The following ENOX1 variants were observed in gnomAD, a reference collection of about 807,000 sequenced individuals.
ENOX1 encodes candidate growth-related and time keeping constitutive hydroquinone (NADH) oxidase.
Under a neutral mutation model 82.5 loss-of-function variants are expected in ENOX1, and 42 were observed. The observed-to-expected ratio is 0.51, with a 90% CI of 0.40 to 0.66. ENOX1 has a LOEUF of 0.66. Ranked by LOEUF, ENOX1 falls within the 30% of genes least tolerant of loss-of-function variation. ENOX1 has a pLI of 0.00. For missense variants in ENOX1, 608 were observed against 811.6 expected (o/e 0.75, Z 3.05); for synonymous variants, 271 against 282.2 (o/e 0.96, Z 0.40).
chr13:43,220,108 G>A (rs937876183), intron 16 of ENOX1, among the ~76,000 whole-genome samples: 2 of 151,984 alleles, frequency 1.3e-5, no homozygotes, highest in Admixed American at 6.6e-5. Context: ...AAGGAAAAGA[G>A]GAAAGAAGAC....
intron 2 of ENOX1, among the ~76,000 whole-genome samples, chr13:43,491,306 A>T (rs898148372): frequency 6.6e-6 from 1 of 152,144 alleles, no homozygotes; most frequent in Non-Finnish European, 1.5e-5. Flanking sequence ...ACCTCCTACC[A>T]GGCCCCACCT....
chr13:43,546,052 T>C (rs934135348), intron 2 of ENOX1: 2 of 152,248 alleles, frequency 1.3e-5, no homozygotes, highest in African/African-American at 4.8e-5. Context: ...CGTTCAGTGT[T>C]AATTGAATCT....
At chr13:43,322,720 T>C (rs1164461474) in intron 10 of ENOX1, among the ~76,000 whole-genome samples, 3 of 152,234 alleles carry the variant, frequency 2.0e-5, no homozygotes, top group Non-Finnish European at 4.4e-5. Context: ...TGACTAGGGC[T>C]CTTTAGCAAA....
At chr13:43,411,490 C>T (rs1226288434) in intron 5 of ENOX1, among the ~76,000 whole-genome samples, 3 of 152,112 alleles carry the variant, frequency 2.0e-5, no homozygotes, top group South Asian at 2.1e-4. Context: ...GAAAAGTCAC[C>T]GAAACTCTGC....
At chr13:43,616,102 AGATAGATAT>A (rs2082406315) in intron 2 of ENOX1, among the ~76,000 whole-genome samples, 1 of 11,512 alleles carries the variant, frequency 8.7e-5, no homozygotes, top group Non-Finnish European at 3.1e-4. Context: ...ATATCTATAT[AGATAGATAT>A]CTATAGATCT....
chr13:43,680,806 C>A (rs1052385882), intron 1 of ENOX1, among the ~76,000 whole-genome samples: 4 of 152,078 alleles, frequency 2.6e-5, no homozygotes, highest in Admixed American at 2.6e-4. Context: ...AAAACTGAAG[C>A]TATAACAGAT....
chr13:43,256,479 G>T (rs1202109730), intron 14 of ENOX1, among the ~76,000 whole-genome samples: 1 of 151,930 alleles, frequency 6.6e-6, no homozygotes, highest in Non-Finnish European at 1.5e-5. Context: ...CAAATAATCT[G>T]ATTAAAAATA....
At chr13:43,302,595 T>C (rs1164369283) in intron 11 of ENOX1, among the ~76,000 whole-genome samples, 1 of 152,170 alleles carries the variant, frequency 6.6e-6, no homozygotes, top group African/African-American at 2.4e-5. Flanking sequence ...CACTAATGTA[T>C]GAAAATCAAT....
intron 10 of ENOX1, among the ~76,000 whole-genome samples, chr13:43,324,434 C>T (rs1055079979): frequency 4.6e-5 from 7 of 152,232 alleles, no homozygotes; most frequent in Middle Eastern, 3.4e-3. Context: ...TCTAATAAAT[C>T]TGTAGAGGTG....
intron 1 of ENOX1, among the ~76,000 whole-genome samples, chr13:43,738,022 C>A (rs2089717675): frequency 6.6e-6 from 1 of 151,938 alleles, no homozygotes; most frequent in Non-Finnish European, 1.5e-5. Context: ...TAATTTAGAC[C>A]CAAATCACCA....
At chr13:43,355,488 T>C (rs1381225180) in intron 8 of ENOX1, among the ~76,000 whole-genome samples, 4 of 152,178 alleles carry the variant, frequency 2.6e-5, no homozygotes, top group East Asian at 3.9e-4. Flanking sequence ...CTGGTAAACA[T>C]GCACACTCTA....
At chr13:43,316,780 A>G (rs952904206) in intron 11 of ENOX1, among the ~76,000 whole-genome samples, 4 of 152,158 alleles carry the variant, frequency 2.6e-5, no homozygotes, top group Non-Finnish European at 5.9e-5. Flanking sequence ...AAAAGAAAAA[A>G]AAAAAAAGGA....
At chr13:43,467,138 T>C (rs1417801512) in intron 3 of ENOX1, among the ~76,000 whole-genome samples, 2 of 152,200 alleles carry the variant, frequency 1.3e-5, no homozygotes, top group Non-Finnish European at 1.5e-5. Flanking sequence ...CTTAGGTCTA[T>C]ACCTAGGAGC....
At chr13:43,399,546 C>T (rs1243462305) in intron 5 of ENOX1, among the ~76,000 whole-genome samples, 2 of 152,240 alleles carry the variant, frequency 1.3e-5, no homozygotes, top group Non-Finnish European at 2.9e-5. Flanking sequence ...AAACTGCTCT[C>T]CAATGAGGGT....
At chr13:43,734,441 A>G (rs1032473689) in intron 1 of ENOX1, among the ~76,000 whole-genome samples, 6 of 152,190 alleles carry the variant, frequency 3.9e-5, no homozygotes, top group African/African-American at 1.4e-4. Context: ...ATCTGTAACC[A>G]AAACAGAAAC....
At chr13:43,511,518 G>A (rs1221698466) in intron 2 of ENOX1, among the ~76,000 whole-genome samples, 1 of 152,042 alleles carries the variant, frequency 6.6e-6, no homozygotes, top group Non-Finnish European at 1.5e-5. Flanking sequence ...ACTTTTAAAA[G>A]GCAAACGCCA....
Position 43,254,731 on chromosome 13 carries a change from A to G in ENOX1, c.1611+10667T>C, listed in dbSNP as rs554937539. Among the ~76,000 whole-genome samples, 8 of 152,308 alleles carry G rather than the reference A, an allele frequency of 5.3e-5. No individual in the cohort carries two copies. In the South Asian group the frequency reaches 1.7e-3, roughly 32 times the overall value. On this transcript the variant is annotated intron_variant, in intron 14 of 16. Transcript: ENST00000690772. Reference sequence around the variant, plus strand: ...ACAACTGATACCACAGAAAACACAAATGATCCTTAGAGTCTATCATGAATA... The same window carrying G: ...ACAACTGATACCACAGAAAACACAAGTGATCCTTAGAGTCTATCATGAATA...
At chr13:43,446,056 C>T (rs989422894) in intron 3 of ENOX1, among the ~76,000 whole-genome samples, 1 of 152,136 alleles carries the variant, frequency 6.6e-6, no homozygotes, top group Non-Finnish European at 1.5e-5. Context: ...TTCCTAAATG[C>T]CAACCCACAA....
intron 16 of ENOX1, among the ~76,000 whole-genome samples, chr13:43,217,954 T>C (rs1456099632): frequency 6.6e-6 from 1 of 152,210 alleles, no homozygotes; most frequent in African/African-American, 2.4e-5. Context: ...GTAGCACTTA[T>C]TGTGTGCCAG....
Sources: allele counts gnomAD v4.1 joint callset (sites outside exome capture counted in the v4.1 genomes callset), GRCh38; gene constraint gnomAD v4.1.1; transcripts MANE v1.5; gene names NCBI Gene and HGNC (gene_info 2026-07-23, HGNC 2026-07-21).